MIR17HG: variants seen among roughly 807,000 people sequenced by gnomAD.
The protein encoded by MIR17HG is miR-17-92a-1 cluster host gene, also known as MIR17 host gene (non-protein coding).
intron 3 of MIR17HG, among the ~76,000 whole-genome samples, chr13:91,353,656 A>G (rs1354172753): frequency 6.6e-6 from 1 of 152,242 alleles, no homozygotes; most frequent in Non-Finnish European, 1.5e-5. Flanking sequence ...TGACCTGAGA[A>G]AAAACAACTT....
chr13:91,353,082 C>T (rs1417380822), intron 3 of MIR17HG, among the ~76,000 whole-genome samples: 1 of 144,560 alleles, frequency 6.9e-6, no homozygotes, highest in Non-Finnish European at 1.5e-5. Flanking sequence ...TGCACTCCAG[C>T]CTGGGCGCAA....
At chr13:91,351,164 C>T (rs757057109) in intron 3 of MIR17HG, 5 of 525,452 alleles carry the variant, frequency 9.5e-6, no homozygotes, top group African/African-American at 3.9e-5. Context: ...TTCGGCCTGT[C>T]GCCCAATCAA....
At chr13:91,348,251 G>A (rs1875066719) in intron 1 of MIR17HG, among the ~76,000 whole-genome samples, 1 of 150,280 alleles carries the variant, frequency 6.7e-6, no homozygotes, top group African/African-American at 2.4e-5. Flanking sequence ...TGCCTGGGCC[G>A]ACCCGAAGGC....
At chr13:91,352,843 T>G (rs1186892623) in intron 3 of MIR17HG, among the ~76,000 whole-genome samples, 1 of 152,120 alleles carries the variant, frequency 6.6e-6, no homozygotes, top group East Asian at 1.9e-4. Context: ...ACACGGTGGC[T>G]CACACCTATA....
At chr13:91,348,930 G>C (rs1322819336) in intron 1 of MIR17HG, among the ~76,000 whole-genome samples, 2 of 149,258 alleles carry the variant, frequency 1.3e-5, no homozygotes, top group African/African-American at 2.4e-5. Flanking sequence ...GCTCGGGGGG[G>C]CTGGGGGACA....
intron 3 of MIR17HG, chr13:91,352,411 G>T (rs1875362053): frequency 6.6e-6 from 1 of 152,170 alleles, no homozygotes; most frequent in Non-Finnish European, 1.5e-5. Context: ...AGGCAAACTT[G>T]ATGTTTGAAA....
At chr13:91,347,713 C>G (rs1275973860), upstream of MIR17HG, 1 of 152,806 alleles carries the variant, frequency 6.5e-6, no homozygotes, top group African/African-American at 2.4e-5. Flanking sequence ...CTTCGAGGTG[C>G]CGCCGCCGCC....
chr13:91,353,855 A>G (rs924093077), intron 3 of MIR17HG: 4 of 151,982 alleles, frequency 2.6e-5, no homozygotes, highest in African/African-American at 9.7e-5. Flanking sequence ...AGCACTTAAC[A>G]TTTTAGGAAT....
At chr13:91,349,864 AAGT>A (rs1420691823) in intron 2 of MIR17HG, 1 of 152,228 alleles carries the variant, frequency 6.6e-6, no homozygotes, top group Non-Finnish European at 1.5e-5. Context: ...TAGAGAGTAA[AAGT>A]AGGTGTTTCT....
chr13:91,348,642 C>T (rs1251927970), intron 1 of MIR17HG, among the ~76,000 whole-genome samples: 2 of 150,890 alleles, frequency 1.3e-5, no homozygotes, highest in Non-Finnish European at 3.0e-5. Context: ...GGGCCCGCAA[C>T]TTCCCCGCCG....
At chr13:91,354,132 A>G (rs1023961084) in exon 4 of MIR17HG, 1 of 152,224 alleles carries the variant, frequency 6.6e-6, no homozygotes, top group African/African-American at 2.4e-5. Flanking sequence ...GAGCCTCTCA[A>G]CTGAGCAGTA....
At chr13:91,354,141 T>G (rs1192738937) in exon 4 of MIR17HG, 3 of 152,188 alleles carry the variant, frequency 2.0e-5, no homozygotes, top group African/African-American at 7.2e-5. Flanking sequence ...AACTGAGCAG[T>G]AAAGGTAAGG....
At chr13:91,353,514 C>T (rs1594016426) in intron 3 of MIR17HG, among the ~76,000 whole-genome samples, 1 of 152,244 alleles carries the variant, frequency 6.6e-6, no homozygotes, top group East Asian at 1.9e-4. Context: ...ATTCTTGGTT[C>T]TATTAAGATT....
chr13:91,349,656 A>C (rs968616898), intron 1 of MIR17HG: 9 of 152,202 alleles, frequency 5.9e-5, no homozygotes, highest in African/African-American at 2.2e-4. Context: ...TTTTGAGCAA[A>C]TAATGTTTTA....
intron 3 of MIR17HG, chr13:91,352,301 T>G (rs144986713): frequency 6.6e-6 from 1 of 152,308 alleles, no homozygotes; most frequent in Non-Finnish European, 1.5e-5. Flanking sequence ...TTCATGTGTT[T>G]TTGTCTCTAG....
chr13:91,353,813 A>G (rs1272995790), intron 3 of MIR17HG: 1 of 151,832 alleles, frequency 6.6e-6, no homozygotes, highest in Non-Finnish European at 1.5e-5. Flanking sequence ...TGCATGTACA[A>G]CTTTCTATTT....
At chr13:91,348,648 C>A (rs559166483) in intron 1 of MIR17HG, among the ~76,000 whole-genome samples, 1 of 150,872 alleles carries the variant, frequency 6.6e-6, no homozygotes, top group Non-Finnish European at 1.5e-5. Flanking sequence ...GCAACTTCCC[C>A]GCCGTGGCCC....
intron 3 of MIR17HG, chr13:91,351,477 A>G (rs1048918150): frequency 2.4e-6 from 1 of 416,088 alleles, no homozygotes; most frequent in African/African-American, 2.0e-5. Context: ...TACATGAAAT[A>G]TTAAAGAAAA....
At chr13:91,349,725 T>C (rs1875192402) in exon 2 of MIR17HG, 1 of 152,232 alleles carries the variant, frequency 6.6e-6, no homozygotes, top group South Asian at 2.1e-4. Context: ...ACTGCACCAG[T>C]AGCTTTTCTG....
Sources: allele counts gnomAD v4.1 joint callset (sites outside exome capture counted in the v4.1 genomes callset), GRCh38; gene constraint gnomAD v4.1.1; transcripts MANE v1.5; gene names NCBI Gene and HGNC (gene_info 2026-07-23, HGNC 2026-07-21).